The following CA12 variants were observed in gnomAD, a reference collection of about 807,000 sequenced individuals.
CA12 encodes the protein carbonate dehydratase XII.
Under a neutral mutation model 46.8 loss-of-function variants are expected in CA12, and 36 were observed. That is an observed-to-expected ratio of 0.77 (90% CI 0.59 to 1.02). The LOEUF is 1.02. Among genes scored for constraint, CA12 ranks in the 50% least tolerant of loss-of-function variants. CA12 has a pLI of 0.00. For synonymous variants in CA12, 202 were observed against 187.0 expected, an observed-to-expected ratio of 1.08 and a Z score of -0.65; for missense variants, 436 against 451.4, an observed-to-expected ratio of 0.97 and a Z score of 0.31.
intron 1 of CA12, among the ~76,000 whole-genome samples, chr15:63,376,557 C>CCTTTCTTTCCTTTCTTT (rs1555432629): frequency 2.9e-5 from 3 of 104,526 alleles, no homozygotes; most frequent in Admixed American, 2.2e-4. Context: ...CTCTTTCTTT[C>CCTTTCTTTCCTTTCTTT]CTTTCTTTCT....
rs910143576 is a variant in CA12 at position 63,324,824 on chromosome 15, G to A, written c.*1461C>T. The stretch of plus-strand genomic sequence containing the variant: ...GAAGAGAGAATTCTTAGAGTCAGAG[G>A]GAGGAGTAGAAGGAAAAAGATATTT... On this transcript the variant is annotated 3_prime_UTR_variant, in exon 11 of 11. Coordinates refer to ENST00000178638, the MANE Select transcript of CA12 (RefSeq NM_001218.5). 6.6e-6 allele frequency: 1 copy of A among 151,780 alleles called. No individual in the cohort carries two copies. Among genetic ancestry groups the A allele is most frequent in the Non-Finnish European group, 1.5e-5 (1 of 68,014 alleles). The allele number at this position is 151,780 out of a possible 1,614,324, so 9.4% of individuals were successfully genotyped here. A position where few individuals can be genotyped will look rare whatever the true frequency, so the allele number is the denominator to read the frequency against.
rs1168629684 is a variant in CA12 at position 63,325,596 on chromosome 15, C to T, written c.*689G>A. ...GTCCCTCTAGCTCTCTCTCCCTTCT[C>T]ATCCCCACCAAGAAGTGGAACTTGA... On this transcript the variant is annotated 3_prime_UTR_variant, in exon 11 of 11. Transcript: ENST00000178638. The surrounding 1 kb of genome is among the most constrained non-coding windows in gnomAD (Gnocchi z 4.9). 1.3e-5 allele frequency: 2 copies of T among 153,068 alleles called. No homozygotes were observed. Among genetic ancestry groups the T allele is most frequent in the Non-Finnish European group, 2.9e-5 (2 of 68,648 alleles). The allele number at this position is 153,068 out of a possible 1,614,324, so 9.5% of individuals were successfully genotyped here. A position where few individuals can be genotyped will look rare whatever the true frequency, so the allele number is the denominator to read the frequency against.
Position 63,378,885 on chromosome 15 carries a change from T to G in CA12, c.85+2751A>C, listed in dbSNP as rs1222518562. The stretch of plus-strand genomic sequence containing the variant: ...TCCTGGAGGCCACTAGAAACACATC[T>G]GCTGCCTGAGCACTGCTGCCTTGCC... On this transcript the variant is annotated intron_variant, in intron 1 of 10. Coordinates refer to ENST00000178638, the MANE Select transcript of CA12 (RefSeq NM_001218.5). This position sits in a 1 kb window ranked among gnomAD's most constrained non-coding sequence, Gnocchi z 4.8. 1.3e-5 allele frequency: 2 copies of G among 152,262 alleles called. No individual in the cohort carries two copies. The highest frequency in any genetic ancestry group is 2.9e-5 in the Non-Finnish European group (2 of 68,084). 9.4% of individuals were successfully genotyped at this position (152,262 alleles called of 1,614,324 possible).
intron 2 of CA12, among the ~76,000 whole-genome samples, chr15:63,357,139 T>C (rs897616900): frequency 1.3e-5 from 2 of 152,192 alleles, no homozygotes; most frequent in Non-Finnish European, 2.9e-5. Context: ...AGATGCTCAA[T>C]GAATACTCAC....
At position 63,342,022 on chromosome 15, in the gene CA12, C is replaced by G. The variant is rs1251085069; in HGVS notation, c.505G>C (p.Val169Leu). Residue 169 changes from valine (V) to leucine (L), a missense_variant, in exon 5 of 11, where the codon GTC (valine) becomes CTC (leucine). Coordinates refer to ENST00000178638, the MANE Select transcript of CA12 (RefSeq NM_001218.5). ...CTTACCTCAATGAGAACAGCCAGGA[C>G]AGCGAGGCCTTCTGACTTGTTGCTG... is the stretch of plus-strand genomic sequence containing the variant. The part of the protein sequence containing the change: ...TASNKSEGLA[V>L]LAVLIEMGSF... 6.2e-7 allele frequency: 1 copy of G among 1,613,334 alleles called. No homozygotes were observed. The highest frequency in any genetic ancestry group is 1.3e-5 in the African/African-American group (1 of 74,894).
intron 2 of CA12, among the ~76,000 whole-genome samples, chr15:63,352,335 G>A (rs2152620348): frequency 6.6e-6 from 1 of 152,332 alleles, no homozygotes; most frequent in Non-Finnish European, 1.5e-5. Flanking sequence ...GGGAATACAG[G>A]CGCGAGCCAC....
chr15:63,371,162 G>T (rs2039500562), intron 2 of CA12, among the ~76,000 whole-genome samples: 1 of 152,194 alleles, frequency 6.6e-6, no homozygotes, highest in East Asian at 1.9e-4. Flanking sequence ...GGAGCCCCAA[G>T]AAAGTTCATT....
intron 2 of CA12, among the ~76,000 whole-genome samples, chr15:63,351,541 C>T (rs574334965): frequency 6.6e-6 from 1 of 152,268 alleles, no homozygotes; most frequent in African/African-American, 2.4e-5. Flanking sequence ...CCCCACATCC[C>T]GCCCCAGCCT....
At chr15:63,354,875 A>G (rs1031568828) in intron 2 of CA12, among the ~76,000 whole-genome samples, 1 of 152,120 alleles carries the variant, frequency 6.6e-6, no homozygotes. Flanking sequence ...CACCCCGCCA[A>G]TAATCCCCGT....
intron 2 of CA12, among the ~76,000 whole-genome samples, chr15:63,369,884 T>A (rs2039481584): frequency 6.6e-6 from 1 of 152,188 alleles, no homozygotes; most frequent in South Asian, 2.1e-4. Flanking sequence ...ATGTTTTTAC[T>A]CAGCTGATGA....
Position 63,340,883 on chromosome 15 carries a change from C to A in CA12, c.526-100G>T. On this transcript the variant is annotated intron_variant, in intron 5 of 10. Transcript: ENST00000178638. The surrounding 1 kb of genome is among the most constrained non-coding windows in gnomAD (Gnocchi z 4.4). ...AAGGGCAAAGCTGTGGGTATGTTGC[C>A]ACCACTGCCTGAAGGATCCACTTTA... The A allele has an allele frequency of 1.0e-6, 1 of 956,444 alleles. No homozygotes were observed. Among genetic ancestry groups the A allele is most frequent in the South Asian group, 1.3e-5 (1 of 75,136 alleles). The allele number at this position is 956,444 out of a possible 1,614,324, so 59.2% of individuals were successfully genotyped here.
At chr15:63,377,297 C>T (rs149364443) in intron 1 of CA12, among the ~76,000 whole-genome samples, 109 of 152,180 alleles carry the variant, frequency 7.2e-4, no homozygotes, top group Admixed American at 1.5e-3. Context: ...CCGTGGTTCT[C>T]GACCCACAAG....
intron 1 of CA12, among the ~76,000 whole-genome samples, chr15:63,379,337 C>G (rs571947376): frequency 6.6e-6 from 1 of 152,192 alleles, no homozygotes. Context: ...CAGCTCAGCT[C>G]TGACCTCAGG....
At chr15:63,366,585 C>T (rs1243587686) in intron 2 of CA12, among the ~76,000 whole-genome samples, 3 of 152,192 alleles carry the variant, frequency 2.0e-5, no homozygotes, top group Admixed American at 2.0e-4. Context: ...ATATTTGGCA[C>T]TTAGTCTTCA....
chr15:63,342,430 G>A (rs893790763), intron 4 of CA12, among the ~76,000 whole-genome samples: 12 of 152,158 alleles, frequency 7.9e-5, no homozygotes, highest in Non-Finnish European at 1.3e-4. Flanking sequence ...ACTGGCAATC[G>A]GTTGAGAGTT....
At position 63,340,635 on chromosome 15, in the gene CA12, CTTGTGTTTGCTTT is replaced by C. The variant is rs914117826; in HGVS notation, c.589+72_589+84del. On this transcript the variant is annotated intron_variant, in intron 6 of 10. Transcript: ENST00000178638. The surrounding 1 kb of genome is among the most constrained non-coding windows in gnomAD (Gnocchi z 4.4). ...TGGTGAACACAGACAGCACCTGCCC[CTTGTGTTTGCTTT>C]TCTTAAAGTCACACAGGGCTGACTA... is the stretch of plus-strand genomic sequence containing the variant. 3.4e-6 allele frequency: 5 copies of C among 1,467,402 alleles called. No individual in the cohort carries two copies. The highest frequency in any genetic ancestry group is 4.8e-6 in the Non-Finnish European group (5 of 1,046,782). The allele number at this position is 1,467,402 out of a possible 1,614,324, so 90.9% of individuals were successfully genotyped here.
At position 63,340,066 on chromosome 15, in the gene CA12, TAA is replaced by T. The variant is rs1351934254; in HGVS notation, c.747+220_747+221del. The T allele has an allele frequency of 1.7e-6, 1 of 587,778 alleles. No homozygotes were observed. Among genetic ancestry groups the T allele is most frequent in the Middle Eastern group, 4.6e-4 (1 of 2,178 alleles). The allele number at this position is 587,778 out of a possible 1,614,324, so 36.4% of individuals were successfully genotyped here. On this transcript the variant is annotated intron_variant, in intron 7 of 10. Transcript: ENST00000178638. This position sits in a 1 kb window ranked among gnomAD's most constrained non-coding sequence, Gnocchi z 4.4. The stretch of plus-strand genomic sequence containing the variant: ...AATGCAGATTTAGAGCTCTTTTTTT[TAA>T]AAAAGAACTAGGAGACATCTATTCA...
In CA12 at chr15:63,330,552, G is replaced by A. The variant is rs941863139; in HGVS notation, c.875-2422C>T. On this transcript the variant is annotated intron_variant, in intron 8 of 10. Transcript: ENST00000178638. The surrounding 1 kb of genome is among the most constrained non-coding windows in gnomAD (Gnocchi z 4.0). Reference sequence around the variant, plus strand: ...GGTTTCTAAAGTCATCTCTTTCACAGTCACCTCAAACATTCTGAGAGTCAC... The same window carrying A: ...GGTTTCTAAAGTCATCTCTTTCACAATCACCTCAAACATTCTGAGAGTCAC... Among the ~76,000 whole-genome samples, 1 of 152,124 alleles carries A rather than the reference G, an allele frequency of 6.6e-6. No individual in the cohort carries two copies. The highest frequency in any genetic ancestry group is 2.4e-5 in the African/African-American group (1 of 41,410).
chr15:63,362,794 G>A (rs927182514), intron 2 of CA12, among the ~76,000 whole-genome samples: 3 of 152,212 alleles, frequency 2.0e-5, no homozygotes, highest in Admixed American at 2.0e-4. Flanking sequence ...AAAAAACCAC[G>A]AAAACAAAAA....
Sources: gnomAD v4.1 joint callset for allele counts (sites outside exome capture counted in the v4.1 genomes callset) on GRCh38, gnomAD v4.1.1 for gene constraint, Gnocchi (gnomAD v3.1) non-coding constraint, MANE v1.5 for transcripts, NCBI Gene and HGNC (gene_info 2026-07-23, HGNC 2026-07-21) for gene names.